Variants in TACC2 observed in about 807,000 individuals in gnomAD.
TACC2 encodes transforming acidic coiled-coil-containing protein 2.
A neutral mutation model predicts 227.3 loss-of-function variants in TACC2; 137 were observed. The observed-to-expected ratio is 0.60, with a 90% CI of 0.52 to 0.69. The LOEUF is 0.69. Among genes scored for constraint, TACC2 ranks in the 30% least tolerant of loss-of-function variants. TACC2 has a pLI of 0.00. For missense variants in TACC2, 3,470 were observed against 3,694.4 expected, an observed-to-expected ratio of 0.94 and a Z score of 1.57; for synonymous variants, 1,523 against 1,487.5, an observed-to-expected ratio of 1.02 and a Z score of -0.55.
intron 7 of TACC2, among the ~76,000 whole-genome samples, chr10:122,190,317 G>T (rs542176409): frequency 6.6e-6 from 1 of 152,178 alleles, no homozygotes; most frequent in Non-Finnish European, 1.5e-5. Context: ...CAATTTCCAC[G>T]CCCTTCTTTC....
chr10:122,078,274 T>C (rs17637793), intron 3 of TACC2, among the ~76,000 whole-genome samples: 16,098 of 150,302 alleles, frequency 0.11, 1,049 homozygotes, highest in Middle Eastern at 0.18. Context: ...GGCAACTCTC[T>C]ATCTTTACGG....
At chr10:122,012,272 T>C (rs1304586542) in intron 1 of TACC2, among the ~76,000 whole-genome samples, 1 of 151,656 alleles carries the variant, frequency 6.6e-6, no homozygotes, top group Non-Finnish European at 1.5e-5. Flanking sequence ...ATACAAAAAT[T>C]AGCTGGGTGT....
chr10:122,251,356 C>T (rs1288273082), intron 22 of TACC2, among the ~76,000 whole-genome samples: 2 of 152,116 alleles, frequency 1.3e-5, no homozygotes. Flanking sequence ...TTGTTCTTAG[C>T]AGTATCCTCA....
At chr10:122,123,758 G>A (rs1445206510) in intron 5 of TACC2, among the ~76,000 whole-genome samples, 1 of 151,884 alleles carries the variant, frequency 6.6e-6, no homozygotes. Flanking sequence ...TTCTGAAGTG[G>A]GGTGCACAGT....
At chr10:122,003,219 G>A (rs533944588) in intron 1 of TACC2, among the ~76,000 whole-genome samples, 66 of 151,912 alleles carry the variant, frequency 4.3e-4, no homozygotes, top group African/African-American at 1.3e-3. Context: ...AAAAAAAAAA[G>A]AATTAGGATT....
At chr10:122,015,727 C>G (rs74824984) in intron 1 of TACC2, among the ~76,000 whole-genome samples, 22,069 of 151,110 alleles carry the variant, frequency 0.15, 1,952 homozygotes, top group Admixed American at 0.23. Flanking sequence ...TGGTGCATGC[C>G]TGTAATCCCA....
intron 6 of TACC2, 90 bp downstream of exon 6, chr10:122,132,824 C>G: frequency 1.4e-6 from 2 of 1,380,154 alleles, no homozygotes; most frequent in South Asian, 2.5e-5. Context: ...CCCCTCCCCT[C>G]CTCTCTTTTC....
At position 122,087,760 on chromosome 10, in the gene TACC2, A is replaced by G; in HGVS notation, c.5260A>G (p.Lys1754Glu). Residue 1754 changes from lysine (K) to glutamate (E), a missense_variant, in exon 4 of 23, where the codon AAG becomes GAG. Physicochemically the swap from Lys to Glu is moderately conservative, Grantham distance 56 (BLOSUM62 1). Coordinates refer to ENST00000369005, the MANE Select transcript of TACC2 (RefSeq NM_206862.4). Reference protein sequence around the residue: ...GSCQDPACSDKAPGMEGTAAL... With the variant: ...GSCQDPACSDEAPGMEGTAAL... ...CTGTCAGGACCCAGCCTGCTCTGACAAGGCTCCGGGGATGGAGGGTACAGC... is the reference window on the plus strand; with the variant it reads ...CTGTCAGGACCCAGCCTGCTCTGACGAGGCTCCGGGGATGGAGGGTACAGC... The G allele has an allele frequency of 6.2e-7, 1 of 1,610,038 alleles. No homozygotes were observed. Among genetic ancestry groups the G allele is most frequent in the Non-Finnish European group, 8.5e-7 (1 of 1,178,334 alleles).
chr10:122,229,277 C>G, intron 14 of TACC2, 69 bp from the exon 15 acceptor site: 2 of 1,582,656 alleles, frequency 1.3e-6, no homozygotes, highest in South Asian at 2.2e-5. Context: ...ATGGCCCTTG[C>G]TTGGAATCAA....
intron 5 of TACC2, among the ~76,000 whole-genome samples, chr10:122,101,125 G>A (rs927020811): frequency 2.2e-4 from 34 of 152,230 alleles, no homozygotes; most frequent in African/African-American, 7.7e-4. Flanking sequence ...GAGATTGGGT[G>A]TTTTGAGCTG....
In TACC2 at chr10:122,148,097, A is replaced by ATT. The variant is rs1172285538; in HGVS notation, c.5834+4414_5834+4415dup. Among the ~76,000 whole-genome samples, 313 of 131,434 alleles carry ATT rather than the reference A, an allele frequency of 2.4e-3. 4 individuals are homozygous for ATT. Among genetic ancestry groups the ATT allele is most frequent in the African/African-American group, 7.9e-3 (265 of 33,710 alleles). The allele number at this position is 131,434 out of a possible 152,430, so 86.2% of individuals were successfully genotyped here. A position where few individuals can be genotyped will look rare whatever the true frequency, so the allele number is the denominator to read the frequency against. On this transcript the variant is annotated intron_variant, in intron 7 of 22. Coordinates refer to ENST00000369005, the MANE Select transcript of TACC2 (RefSeq NM_206862.4). ...CGTTATTCACCCAGGCTGAGCCAGA[A>ATT]TTTTTTTTTTTTTTTTTTTTTTTTA...
intron 5 of TACC2, among the ~76,000 whole-genome samples, chr10:122,091,236 A>G (rs2080781428): frequency 6.7e-6 from 1 of 148,798 alleles, no homozygotes; most frequent in Admixed American, 6.8e-5. Flanking sequence ...TACACACCCA[A>G]TGTTGAAAAT....
chr10:122,083,672 T>G lies in TACC2; in HGVS notation c.1172T>G (p.Val391Gly), dbSNP rs868821748. 7 of 1,611,924 alleles carry G rather than the reference T, an allele frequency of 4.3e-6. No individual in the cohort carries two copies. In the African/African-American group the frequency reaches 8.0e-5, roughly 18 times the overall value. ...ACCAAGCCCAATCAAGTTGTCTGTG[T>G]GGCAGCAGGCGGCCAGCCCGAAGGG... ...RGTKPNQVVC[V>G]AAGGQPEGGL... Residue 391 changes from valine to glycine, a missense_variant, in exon 4 of 23, where the codon GTG becomes GGG. Val to Gly is a moderately radical substitution (Grantham distance 109). Transcript: ENST00000369005.
rs561185577 is a variant in TACC2, at chr10:122,084,706, C to G, written c.2206C>G (p.Gln736Glu). 4 of 1,613,614 alleles carry G rather than the reference C, an allele frequency of 2.5e-6. No individual in the cohort carries two copies. Among genetic ancestry groups the G allele is most frequent in the Admixed American group, 1.7e-5 (1 of 60,020 alleles). ...TGTTGCAGAGGTTGCACCCAAAGCC[C>G]AGGAAGGTGAGAGCACATTGGAAAT... is the stretch of plus-strand genomic sequence containing the variant. ...TPVAEVAPKA[Q>E]EGESTLEIRK... Residue 736 changes from glutamine (Q) to glutamate (E), a missense_variant, in exon 4 of 23, where the codon CAG becomes GAG. Transcript: ENST00000369005.
Position 122,249,528 on chromosome 10 carries a change from C to T in TACC2, c.8661-16C>T. On this transcript the variant is annotated splice_polypyrimidine_tract_variant and intron_variant, in intron 21 of 22. Transcript: ENST00000369005. ...TCCACAAAAGAGTGATAATTCTGAGCTCCCTGTCTCCGCAGGGCCAATGCT... is the reference window on the plus strand; with the variant it reads ...TCCACAAAAGAGTGATAATTCTGAGTTCCCTGTCTCCGCAGGGCCAATGCT... 6.2e-7 allele frequency: 1 copy of T among 1,612,408 alleles called. No individual in the cohort carries two copies.
At position 122,230,851 on chromosome 10, in the gene TACC2, A is replaced by G. The variant is rs556321419; in HGVS notation, c.8127+411A>G. ...CTCTATTGAGCAAACATAATTTGCA[A>G]CTTTTCTATTTTCTGCAAGTTAACA... On this transcript the variant is annotated intron_variant, in intron 16 of 22. Coordinates refer to ENST00000369005, the MANE Select transcript of TACC2 (RefSeq NM_206862.4). Among the ~76,000 whole-genome samples the G allele has an allele frequency of 1.1e-3, 162 of 152,312 alleles. 1 individual carries two copies. The highest frequency in any genetic ancestry group is 2.9e-3 in the Admixed American group (45 of 15,308).
At chr10:122,076,425 T>A (rs186574741) in intron 3 of TACC2, among the ~76,000 whole-genome samples, 15 of 152,298 alleles carry the variant, frequency 9.8e-5, no homozygotes, top group African/African-American at 2.2e-4. Flanking sequence ...AAAACATTCA[T>A]TCAATCCATT....
chr10:122,019,457 G>T (rs531231653), intron 1 of TACC2, among the ~76,000 whole-genome samples: 1 of 152,356 alleles, frequency 6.6e-6, no homozygotes, highest in Admixed American at 6.5e-5. Context: ...TGCATAAAGG[G>T]CAAGAGAGAA....
chr10:122,095,038 T>A (rs2081232318), intron 5 of TACC2, among the ~76,000 whole-genome samples: 1 of 152,136 alleles, frequency 6.6e-6, no homozygotes, highest in East Asian at 1.9e-4. Flanking sequence ...CCCCCACCAC[T>A]TTATGGAGGA....
Sources: allele counts gnomAD v4.1 joint callset (sites outside exome capture counted in the v4.1 genomes callset), GRCh38; gene constraint gnomAD v4.1.1; transcripts MANE v1.5; gene names NCBI Gene and HGNC (gene_info 2026-07-23, HGNC 2026-07-21).